Variants in CADPS observed in about 807,000 individuals in gnomAD.
The protein encoded by CADPS is calcium dependent secretion activator.
In CADPS, 57 loss-of-function variants were observed where a neutral mutation model predicts 167.3. That is an observed-to-expected ratio of 0.34 (90% CI 0.28 to 0.42). CADPS has a LOEUF of 0.42. CADPS is among the 20% of genes least tolerant of loss of function. The pLI is 1.00. For synonymous variants in CADPS, 676 were observed against 635.3 expected (o/e 1.06, Z -0.96); for missense variants, 1,414 against 1,738.1 (o/e 0.81, Z 3.32).
intron 5 of CADPS, 71 bp downstream of exon 5, chr3:62,650,776 T>C: frequency 8.9e-7 from 1 of 1,122,758 alleles, no homozygotes; most frequent in Non-Finnish European, 1.3e-6. Flanking sequence ...AACAAGCTGA[T>C]TGTGACGCAT....
At chr3:62,585,347 A>G (rs1376946730) in intron 7 of CADPS, 23 bp from the exon 8 acceptor site, 1 of 1,591,994 alleles carries the variant, frequency 6.3e-7, no homozygotes, top group Admixed American at 1.9e-5. Flanking sequence ...AAGGACAAGC[A>G]ACTAGAAAAG....
intron 11 of CADPS, among the ~76,000 whole-genome samples, chr3:62,539,704 A>G (rs1255209644): frequency 6.6e-6 from 1 of 152,164 alleles, no homozygotes; most frequent in African/African-American, 2.4e-5. Context: ...TTAAAATCAT[A>G]AGTTTATCTT....
intron 1 of CADPS, among the ~76,000 whole-genome samples, chr3:62,873,817 G>A (rs1423604277): frequency 6.6e-6 from 1 of 152,000 alleles, no homozygotes; most frequent in Non-Finnish European, 1.5e-5. Context: ...AGGAGAATAG[G>A]GTCAAAGACA....
chr3:62,522,873 G>A (rs1423447311), intron 13 of CADPS, among the ~76,000 whole-genome samples: 3 of 152,154 alleles, frequency 2.0e-5, no homozygotes, highest in Admixed American at 6.5e-5. Flanking sequence ...TTTTGGAGCC[G>A]TGCTGAAGCC....
intron 3 of CADPS, among the ~76,000 whole-genome samples, chr3:62,724,248 A>AT (rs1204867830): frequency 6.6e-6 from 1 of 151,942 alleles, no homozygotes; most frequent in Admixed American, 6.6e-5. Context: ...CTCCTCCCTG[A>AT]TTTTTTCCTC....
At chr3:62,766,511 T>C (rs2086908375) in intron 1 of CADPS, among the ~76,000 whole-genome samples, 1 of 152,190 alleles carries the variant, frequency 6.6e-6, no homozygotes, top group Admixed American at 6.5e-5. Flanking sequence ...CATGCCCCTC[T>C]GGTGGTCTGA....
At position 62,570,881 on chromosome 3, in the gene CADPS, T is replaced by C. The variant is rs1398514643; in HGVS notation, c.1635A>G (p.Val545=). Residue 545 remains valine, a synonymous_variant, in exon 9 of 30, where the codon GTA becomes GTG. Coordinates refer to ENST00000383710, the MANE Select transcript of CADPS (RefSeq NM_003716.4). ...VWKRWKKRFF[V]LVQVSQYTFA... The stretch of plus-strand genomic sequence containing the variant: ...TTGAAGAGTTAGTTACCTGCACCAA[T>C]ACAAAAAACCTTTTCTTCCATCTCT... 1.2e-6 allele frequency: 2 copies of C among 1,608,258 alleles called. No individual in the cohort carries two copies. Among genetic ancestry groups the C allele is most frequent in the Non-Finnish European group, 1.7e-6 (2 of 1,174,642 alleles).
chr3:62,749,323 C>T (rs1164614778), intron 3 of CADPS, among the ~76,000 whole-genome samples: 2 of 152,170 alleles, frequency 1.3e-5, no homozygotes, highest in Non-Finnish European at 2.9e-5. Flanking sequence ...TGTCATTTCT[C>T]ATTTGAGATA....
At chr3:62,445,712 G>GAAAAAAAAA (rs369250660) in intron 27 of CADPS, 53 bp downstream of exon 27, 9 of 876,880 alleles carry the variant, frequency 1.0e-5, no homozygotes, top group South Asian at 7.0e-5. Flanking sequence ...AAGTAAAAAT[G>GAAAAAAAAA]AAAAAAAAAA....
chr3:62,558,404 G>C (rs981407712), intron 9 of CADPS, among the ~76,000 whole-genome samples: 21 of 152,332 alleles, frequency 1.4e-4, no homozygotes, highest in African/African-American at 5.1e-4. Context: ...TCTGCAAGTA[G>C]CCCGTGGGAA....
chr3:62,862,578 T>C (rs1319423551), intron 1 of CADPS, among the ~76,000 whole-genome samples: 2 of 152,134 alleles, frequency 1.3e-5, no homozygotes, highest in African/African-American at 2.4e-5. Context: ...ATTTATTATA[T>C]AGACAAATAG....
intron 1 of CADPS, among the ~76,000 whole-genome samples, chr3:62,847,127 G>A (rs1048204074): frequency 6.6e-6 from 1 of 152,158 alleles, no homozygotes; most frequent in Non-Finnish European, 1.5e-5. Context: ...CTTTTGACAG[G>A]ACGTTAGTAG....
intron 11 of CADPS, among the ~76,000 whole-genome samples, chr3:62,543,683 A>G (rs2076048756): frequency 6.6e-6 from 1 of 152,140 alleles, no homozygotes; most frequent in African/African-American, 2.4e-5. Context: ...AAATTTGAAG[A>G]AAAGACTATC....
At chr3:62,809,689 T>C (rs2094301718) in intron 1 of CADPS, among the ~76,000 whole-genome samples, 1 of 152,148 alleles carries the variant, frequency 6.6e-6, no homozygotes, top group Non-Finnish European at 1.5e-5. Flanking sequence ...CTTATTCCAC[T>C]AGAACGTCAG....
intron 3 of CADPS, among the ~76,000 whole-genome samples, chr3:62,744,503 T>C (rs949058520): frequency 6.6e-6 from 1 of 152,180 alleles, no homozygotes; most frequent in African/African-American, 2.4e-5. Context: ...AAAATTCAAA[T>C]TATTAGCATG....
At chr3:62,415,360 A>C (rs1393483101) in intron 28 of CADPS, among the ~76,000 whole-genome samples, 2 of 152,110 alleles carry the variant, frequency 1.3e-5, no homozygotes, top group Non-Finnish European at 1.5e-5. Context: ...GAATGGAGGC[A>C]TGACCTCCTG....
intron 11 of CADPS, among the ~76,000 whole-genome samples, chr3:62,546,127 A>ATTTTT (rs75526981): frequency 2.1e-5 from 3 of 143,576 alleles, no homozygotes; most frequent in African/African-American, 7.6e-5. Context: ...GCAATACTTG[A>ATTTTT]TTTTTTTTTT....
At chr3:62,824,441 T>C (rs956801111) in intron 1 of CADPS, among the ~76,000 whole-genome samples, 10 of 152,134 alleles carry the variant, frequency 6.6e-5, no homozygotes, top group African/African-American at 2.2e-4. Context: ...TTCCCTCCAA[T>C]GTTAGAAGTC....
chr3:62,787,968 G>A (rs1304577015), intron 1 of CADPS, among the ~76,000 whole-genome samples: 1 of 152,114 alleles, frequency 6.6e-6, no homozygotes, highest in Admixed American at 6.6e-5. Context: ...AGTCATTCAT[G>A]TTCTAAATAT....
Sources: gnomAD v4.1 joint callset for allele counts (sites outside exome capture counted in the v4.1 genomes callset) on GRCh38, gnomAD v4.1.1 for gene constraint, MANE v1.5 for transcripts, NCBI Gene and HGNC (gene_info 2026-07-23, HGNC 2026-07-21) for gene names.